Variants in HS2ST1 observed in about 807,000 individuals in gnomAD.
The protein encoded by HS2ST1 is heparan sulfate 2-O-sulfotransferase 1.
In HS2ST1, 18 loss-of-function variants were observed where a neutral mutation model predicts 42.9. The observed-to-expected ratio is 0.42, with a 90% confidence interval of 0.29 to 0.62. HS2ST1 has a LOEUF of 0.62. HS2ST1 is among the 20% of genes least tolerant of loss of function. The pLI is 0.21. For synonymous variants in HS2ST1, 146 were observed against 152.9 expected (o/e 0.95, Z 0.33); for missense variants, 334 against 433.8 (o/e 0.77, Z 2.04).
At chr1:87,029,376 A>G (rs1650170139) in intron 1 of HS2ST1, among the ~76,000 whole-genome samples, 2 of 152,142 alleles carry the variant, frequency 1.3e-5, no homozygotes. Flanking sequence ...GTTTGATTTT[A>G]AGTCTTTATA....
chr1:87,081,410 A>G (rs947841189), intron 2 of HS2ST1, among the ~76,000 whole-genome samples: 5 of 152,228 alleles, frequency 3.3e-5, no homozygotes, highest in Admixed American at 6.5e-5. Flanking sequence ...AGCAAGACAC[A>G]TGGAAATTAA....
chr1:86,936,249 T>C (rs1009432979), intron 1 of HS2ST1, among the ~76,000 whole-genome samples: 2 of 152,168 alleles, frequency 1.3e-5, no homozygotes, highest in Admixed American at 6.5e-5. Flanking sequence ...TCTCTTCTTT[T>C]CAAAGGTACT....
intron 2 of HS2ST1, among the ~76,000 whole-genome samples, chr1:87,078,368 T>G (rs1255833842): frequency 6.6e-6 from 1 of 152,194 alleles, no homozygotes; most frequent in Non-Finnish European, 1.5e-5. Flanking sequence ...TTACCTATAT[T>G]GTTTGTGTTT....
chr1:86,981,162 G>A lies in HS2ST1; in HGVS notation c.124+66002G>A, dbSNP rs545398882. Among the ~76,000 whole-genome samples the A allele has an allele frequency of 1.5e-4, 23 of 152,214 alleles. No homozygotes were observed. In the East Asian group the frequency reaches 4.2e-3, roughly 28 times the overall value. On this transcript the variant is annotated intron_variant, in intron 1 of 6. Transcript: ENST00000370550. Reference sequence around the variant, plus strand: ...GTGAGAACTCACTATCACGAGAACAGCATGGGGGAACCTGCCTCCATGATT... The same window carrying A: ...GTGAGAACTCACTATCACGAGAACAACATGGGGGAACCTGCCTCCATGATT...
intron 1 of HS2ST1, among the ~76,000 whole-genome samples, chr1:87,015,532 G>A (rs1346002046): frequency 6.6e-6 from 1 of 150,716 alleles, no homozygotes; most frequent in African/African-American, 2.4e-5. Context: ...TTTTAGTGGA[G>A]ACAGGGTTTC....
At chr1:87,093,819 T>C (rs968297370) in intron 4 of HS2ST1, among the ~76,000 whole-genome samples, 4 of 150,182 alleles carry the variant, frequency 2.7e-5, no homozygotes, top group Non-Finnish European at 4.4e-5. Context: ...AAGTTAGTTA[T>C]ACCCTCTGTG....
At chr1:86,993,215 A>G in intron 1 of HS2ST1, 1 of 1,473,902 alleles carries the variant, frequency 6.8e-7, no homozygotes, top group South Asian at 1.3e-5. Flanking sequence ...TAAAAGGTAC[A>G]GTTTGTAATG....
At chr1:86,919,188 G>GC (rs1369384779) in intron 1 of HS2ST1, among the ~76,000 whole-genome samples, 4 of 151,910 alleles carry the variant, frequency 2.6e-5, no homozygotes, top group Admixed American at 1.3e-4. Context: ...CAAGTGATCT[G>GC]CCCCCCTCTG....
At chr1:87,095,066 G>A (rs147038688) in intron 4 of HS2ST1, among the ~76,000 whole-genome samples, 1 of 152,022 alleles carries the variant, frequency 6.6e-6, no homozygotes, top group Admixed American at 6.6e-5. Context: ...ACACATGTTG[G>A]TAACCTAATG....
At chr1:86,941,416 C>A (rs1022818445) in intron 1 of HS2ST1, among the ~76,000 whole-genome samples, 2 of 151,972 alleles carry the variant, frequency 1.3e-5, no homozygotes, top group African/African-American at 2.4e-5. Context: ...ATTTACTTAA[C>A]CATAAATCTG....
chr1:87,016,839 C>T (rs919680640), intron 1 of HS2ST1, among the ~76,000 whole-genome samples: 14 of 149,152 alleles, frequency 9.4e-5, no homozygotes, highest in African/African-American at 2.5e-4. Context: ...GATTTTTGAC[C>T]GTCAGTTTCT....
intron 1 of HS2ST1, among the ~76,000 whole-genome samples, chr1:86,982,968 CA>C (rs1273251450): frequency 6.6e-6 from 1 of 152,212 alleles, no homozygotes; most frequent in African/African-American, 2.4e-5. Flanking sequence ...ACCTTTGCTT[CA>C]ATATCCAATA....
At chr1:86,992,025 C>G (rs979782147) in intron 1 of HS2ST1, among the ~76,000 whole-genome samples, 1 of 152,102 alleles carries the variant, frequency 6.6e-6, no homozygotes, top group Non-Finnish European at 1.5e-5. Context: ...CTCTGCCTCC[C>G]GTCAGATCAG....
At chr1:86,924,801 TG>T (rs745874534) in intron 1 of HS2ST1, among the ~76,000 whole-genome samples, 3 of 152,008 alleles carry the variant, frequency 2.0e-5, no homozygotes, top group South Asian at 2.1e-4. Context: ...GGGCCTGTGA[TG>T]GGGGGGCACT....
intron 1 of HS2ST1, among the ~76,000 whole-genome samples, chr1:86,969,389 CGTGTGT>C (rs144917709): frequency 8.6e-5 from 13 of 151,398 alleles, no homozygotes; most frequent in Non-Finnish European, 1.6e-4. Flanking sequence ...GCTTTATAAA[CGTGTGT>C]GTGTGTGTGC....
intron 1 of HS2ST1, among the ~76,000 whole-genome samples, chr1:87,033,212 T>A (rs1650284121): frequency 6.6e-6 from 1 of 152,214 alleles, no homozygotes; most frequent in Non-Finnish European, 1.5e-5. Context: ...ATGTCTAATC[T>A]TTTTCCATCT....
chr1:87,057,408 C>A (rs1305907703), intron 1 of HS2ST1, among the ~76,000 whole-genome samples: 1 of 152,012 alleles, frequency 6.6e-6, no homozygotes, highest in East Asian at 1.9e-4. Flanking sequence ...CACTTTTCTG[C>A]CTTATGTTTT....
intron 2 of HS2ST1, among the ~76,000 whole-genome samples, chr1:87,075,311 C>T (rs756612738): frequency 2.6e-5 from 4 of 151,726 alleles, no homozygotes; most frequent in Non-Finnish European, 5.9e-5. Context: ...GGATTATAGG[C>T]ATGCGCCACC....
rs55812524 is a variant in HS2ST1, at chr1:86,978,861, C to CTTTTTT, written c.124+63717_124+63722dup. ...TTCCTAAGGGTTTTTACTTGTGAAT[C>CTTTTTT]TTTTTTTTTTTTTTTTTTTTTGAGA... On this transcript the variant is annotated intron_variant, in intron 1 of 6. Coordinates refer to ENST00000370550, the MANE Select transcript of HS2ST1 (RefSeq NM_012262.4). Among the ~76,000 whole-genome samples, 81 of 98,614 alleles carry CTTTTTT rather than the reference C, an allele frequency of 8.2e-4. 1 individual carries two copies. The highest frequency in any genetic ancestry group is 1.0e-3 in the Non-Finnish European group (55 of 52,932). The allele number at this position is 98,614 out of a possible 152,430, so 64.7% of individuals were successfully genotyped here.
Sources: allele counts gnomAD v4.1 joint callset (sites outside exome capture counted in the v4.1 genomes callset), GRCh38; gene constraint gnomAD v4.1.1; transcripts MANE v1.5; gene names NCBI Gene and HGNC (gene_info 2026-07-23, HGNC 2026-07-21).